Variants in CFAP276 observed in about 807,000 individuals in gnomAD.
CFAP276 encodes cilia- and flagella-associated protein 276.
At chr1:109,106,248 C>A in the CFAP276 span, 1 of 749,418 alleles carries the variant, frequency 1.3e-6, no homozygotes, top group Non-Finnish European at 2.2e-6. Context: ...ATGGGAGGTA[C>A]TTATAGGTCT....
chr1:109,113,734 A>C, the CFAP276 span: 2 of 1,597,414 alleles, frequency 1.3e-6, no homozygotes, highest in Non-Finnish European at 1.7e-6. Context: ...TCATAAAATA[A>C]CCCCTGGCCC....
chr1:109,112,792 A>G, the CFAP276 span: 3 of 1,477,428 alleles, frequency 2.0e-6, no homozygotes, highest in Middle Eastern at 2.5e-4. Context: ...TTCGGTTGCC[A>G]GGCAACTGCC....
At chr1:109,106,545 T>C in the CFAP276 span, 23 of 1,613,958 alleles carry the variant, frequency 1.4e-5, no homozygotes, top group Non-Finnish European at 1.9e-5. Context: ...CTATGGATCC[T>C]TGGATGCTGT....
chr1:109,112,543 A>G, the CFAP276 span: 11 of 1,545,646 alleles, frequency 7.1e-6, no homozygotes, highest in South Asian at 1.2e-5. Flanking sequence ...CATCACACAG[A>G]CAGAAAGAAG....
chr1:109,109,156 A>G, the CFAP276 span, among the ~76,000 whole-genome samples: 89 of 152,216 alleles, frequency 5.8e-4, no homozygotes, highest in African/African-American at 2.0e-3. Flanking sequence ...CTAACAACCT[A>G]TTAGAACTCT....
chr1:109,109,063 A>T, the CFAP276 span, among the ~76,000 whole-genome samples: 1 of 152,174 alleles, frequency 6.6e-6, no homozygotes, highest in African/African-American at 2.4e-5. Flanking sequence ...CTGTATCCCC[A>T]GTTCCTAGCA....
chr1:109,107,130 A>T, the CFAP276 span: 2 of 1,611,462 alleles, frequency 1.2e-6, no homozygotes, highest in Non-Finnish European at 1.7e-6. Flanking sequence ...TATCTACAGA[A>T]GTCAGTCCCC....
At chr1:109,112,846 C>G in the CFAP276 span, 20 of 1,210,802 alleles carry the variant, frequency 1.7e-5, no homozygotes, top group African/African-American at 2.9e-4. Context: ...AGGGCGCCAC[C>G]TGGCGGCTGA....
chr1:109,112,370 G>A, the CFAP276 span, among the ~76,000 whole-genome samples: 1 of 152,212 alleles, frequency 6.6e-6, no homozygotes, highest in African/African-American at 2.4e-5. Context: ...AGCTGCCAGA[G>A]CCCCTTGTTC....
At chr1:109,110,795 G>A in the CFAP276 span, among the ~76,000 whole-genome samples, 3 of 152,112 alleles carry the variant, frequency 2.0e-5, no homozygotes, top group Non-Finnish European at 2.9e-5. Flanking sequence ...ATATACCACA[G>A]TCACTACAAA....
At chr1:109,106,666 G>A in the CFAP276 span, 2 of 1,613,608 alleles carry the variant, frequency 1.2e-6, no homozygotes, top group African/African-American at 1.3e-5. Flanking sequence ...GGTTCTAGAA[G>A]AAGGCATAGG....
the CFAP276 span, among the ~76,000 whole-genome samples, chr1:109,110,690 A>G: frequency 6.6e-6 from 1 of 152,210 alleles, no homozygotes; most frequent in Admixed American, 6.5e-5. Context: ...TTCAACTACC[A>G]TATGGGTACC....
the CFAP276 span, among the ~76,000 whole-genome samples, chr1:109,113,447 A>AGG: frequency 9.1e-3 from 1,047 of 114,602 alleles, 85 homozygotes; most frequent in African/African-American, 0.025. Context: ...AGAGAGAGAG[A>AGG]GAGAGAGAGA....
chr1:109,112,813 T>C, the CFAP276 span: 1 of 1,403,204 alleles, frequency 7.1e-7, no homozygotes, highest in South Asian at 1.5e-5. Flanking sequence ...CAGCCATCTA[T>C]GACAGAGGAA....
the CFAP276 span, chr1:109,107,256 A>C: frequency 1.5e-6 from 1 of 673,538 alleles, no homozygotes; most frequent in African/African-American, 1.8e-5. Context: ...AACTCCGTAC[A>C]CACTAAATTG....
At chr1:109,113,117 C>T in the CFAP276 span, among the ~76,000 whole-genome samples, 1 of 152,086 alleles carries the variant, frequency 6.6e-6, no homozygotes, top group East Asian at 1.9e-4. Context: ...GGGCCGGGCG[C>T]GGTGGTTCAC....
At chr1:109,107,373 T>A in the CFAP276 span, among the ~76,000 whole-genome samples, 1 of 152,232 alleles carries the variant, frequency 6.6e-6, no homozygotes, top group African/African-American at 2.4e-5. Flanking sequence ...GTGGGCTTAA[T>A]GAACTTTACC....
the CFAP276 span, among the ~76,000 whole-genome samples, chr1:109,108,491 A>G: frequency 6.6e-6 from 1 of 152,148 alleles, no homozygotes; most frequent in Admixed American, 6.6e-5. Flanking sequence ...GAAGAATGGT[A>G]TGGGGCAAGA....
chr1:109,107,965 T>G, the CFAP276 span: 1 of 1,613,486 alleles, frequency 6.2e-7, no homozygotes, highest in East Asian at 2.2e-5. Flanking sequence ...GAAGTAATTG[T>G]GGGGGTTGAG....
Sources: gnomAD v4.1 joint callset for allele counts (sites outside exome capture counted in the v4.1 genomes callset) on GRCh38, gnomAD v4.1.1 for gene constraint, MANE v1.5 for transcripts, NCBI Gene and HGNC (gene_info 2026-07-23, HGNC 2026-07-21) for gene names.